RABGAP1L: variants seen among roughly 807,000 people sequenced by gnomAD.
RABGAP1L encodes rab GTPase-activating protein 1-like.
RABGAP1L carries 63 observed loss-of-function variants against 137.7 expected under a neutral mutation model. The observed-to-expected ratio is 0.46, with a 90% CI of 0.37 to 0.56. RABGAP1L has a LOEUF of 0.56. Ranked by LOEUF, RABGAP1L falls within the 20% of genes least tolerant of loss-of-function variation. RABGAP1L has a pLI of 0.00. For synonymous variants in RABGAP1L, 431 were observed against 433.7 expected (o/e 0.99, Z 0.08); for missense variants, 1,095 against 1,244.0 (o/e 0.88, Z 1.80).
At chr1:174,572,673 G>T (rs1572365972) in intron 13 of RABGAP1L, among the ~76,000 whole-genome samples, 2 of 152,184 alleles carry the variant, frequency 1.3e-5, no homozygotes, top group South Asian at 4.2e-4. Flanking sequence ...GAGCCACCCT[G>T]CCCAGCCAAC....
chr1:174,437,545 G>C (rs924146180), intron 13 of RABGAP1L, among the ~76,000 whole-genome samples: 13 of 152,164 alleles, frequency 8.5e-5, no homozygotes, highest in Non-Finnish European at 1.9e-4. Context: ...AATGAACAAA[G>C]CCTCCAAGAA....
At chr1:174,310,360 T>G (rs1051589167) in intron 11 of RABGAP1L, among the ~76,000 whole-genome samples, 1 of 152,208 alleles carries the variant, frequency 6.6e-6, no homozygotes, top group Non-Finnish European at 1.5e-5. Context: ...AGACTTGTTT[T>G]GTGGCCTAAC....
chr1:174,651,856 G>C (rs1284170398), intron 14 of RABGAP1L, among the ~76,000 whole-genome samples: 1 of 152,170 alleles, frequency 6.6e-6, no homozygotes. Flanking sequence ...ATATTGTTAT[G>C]TGTGAATTTG....
intron 13 of RABGAP1L, among the ~76,000 whole-genome samples, chr1:174,622,014 G>T (rs1345212018): frequency 8.3e-6 from 1 of 120,436 alleles, no homozygotes; most frequent in Non-Finnish European, 1.5e-5. Context: ...CAAACAAAAA[G>T]CAAACAACCC....
At chr1:174,711,235 G>T (rs1035322611) in intron 17 of RABGAP1L, among the ~76,000 whole-genome samples, 1 of 152,012 alleles carries the variant, frequency 6.6e-6, no homozygotes, top group Non-Finnish European at 1.5e-5. Context: ...ACACCTCCCT[G>T]CAAGCTGAGG....
At chr1:174,785,076 A>G (rs332762) in intron 18 of RABGAP1L, among the ~76,000 whole-genome samples, 1 of 151,818 alleles carries the variant, frequency 6.6e-6, no homozygotes, top group East Asian at 1.9e-4. Context: ...TTTTGTTTTT[A>G]TTTTTGAGAC....
At chr1:174,258,650 G>T (rs1673318746) in intron 7 of RABGAP1L, among the ~76,000 whole-genome samples, 1 of 152,094 alleles carries the variant, frequency 6.6e-6, no homozygotes, top group African/African-American at 2.4e-5. Flanking sequence ...TAATATAAAA[G>T]CATTGGTGTG....
At position 174,505,513 on chromosome 1, in the gene RABGAP1L, G is replaced by A. The variant is rs549702954; in HGVS notation, c.1710+111368G>A. Among the ~76,000 whole-genome samples, 7 of 149,424 alleles carry A rather than the reference G, an allele frequency of 4.7e-5. No individual in the cohort carries two copies. The South Asian group carries it at 1.5e-3, about 32-fold the overall frequency. ...TGTGTTCTGAATTTTTGCTTGTACTGAAAAATACTTGAAATAAACACAGGA... is the reference window on the plus strand; with the variant it reads ...TGTGTTCTGAATTTTTGCTTGTACTAAAAAATACTTGAAATAAACACAGGA... On this transcript the variant is annotated intron_variant, in intron 13 of 25. Coordinates refer to ENST00000681986, the MANE Select transcript of RABGAP1L (RefSeq NM_001366446.1).
intron 13 of RABGAP1L, among the ~76,000 whole-genome samples, chr1:174,447,422 T>G (rs971577527): frequency 6.6e-6 from 1 of 152,194 alleles, no homozygotes; most frequent in African/African-American, 2.4e-5. Flanking sequence ...AGAGTTGTTT[T>G]TCTTAGATTT....
intron 13 of RABGAP1L, among the ~76,000 whole-genome samples, chr1:174,464,118 T>G (rs1400298409): frequency 6.6e-6 from 1 of 152,182 alleles, no homozygotes; most frequent in Non-Finnish European, 1.5e-5. Context: ...TTAATACAGA[T>G]ACCTTTAGCA....
At chr1:174,527,205 T>G (rs1007162181) in intron 13 of RABGAP1L, among the ~76,000 whole-genome samples, 23 of 48,912 alleles carry the variant, frequency 4.7e-4, no homozygotes, top group Non-Finnish European at 5.9e-4. Context: ...TTTTATTTTG[T>G]TTTTTTTTTT....
At chr1:174,907,107 C>T (rs1659224422) in intron 19 of RABGAP1L, among the ~76,000 whole-genome samples, 1 of 151,850 alleles carries the variant, frequency 6.6e-6, no homozygotes, top group Non-Finnish European at 1.5e-5. Context: ...ATATAAAACC[C>T]ACTTGTAAAA....
chr1:174,686,343 GT>G (rs2148487106), intron 15 of RABGAP1L, among the ~76,000 whole-genome samples: 1 of 152,208 alleles, frequency 6.6e-6, no homozygotes, highest in South Asian at 2.1e-4. Flanking sequence ...GTTTATGACA[GT>G]TTCTGTCTTC....
Position 174,831,819 on chromosome 1 carries a change from A to G in RABGAP1L, c.2340+19859A>G, listed in dbSNP as rs1291887395. On this transcript the variant is annotated intron_variant, in intron 19 of 25. Coordinates refer to ENST00000681986, the MANE Select transcript of RABGAP1L (RefSeq NM_001366446.1). ...TGTATAGTCAGTGAAATATCACAAG[A>G]TCCAAATTCTAGTGACTTAACTTTA... 4.7e-5 allele frequency among the ~76,000 whole-genome samples: 7 copies of G among 148,328 alleles called. 2 individuals carry two copies. Among genetic ancestry groups the G allele is most frequent in the Non-Finnish European group, 9.0e-5 (6 of 66,684 alleles).
chr1:174,628,950 C>T (rs1673118699), intron 13 of RABGAP1L, among the ~76,000 whole-genome samples: 1 of 152,034 alleles, frequency 6.6e-6, no homozygotes, highest in African/African-American at 2.4e-5. Context: ...ATAAGAAAGC[C>T]CTTAGCTCCA....
intron 17 of RABGAP1L, among the ~76,000 whole-genome samples, chr1:174,727,832 TA>T (rs1038653896): frequency 1.3e-5 from 2 of 152,198 alleles, no homozygotes; most frequent in African/African-American, 4.8e-5. Flanking sequence ...TAAATTTTTT[TA>T]AAAAACAAAA....
Position 174,219,153 on chromosome 1 carries a change from C to A in RABGAP1L, c.-5C>A, listed in dbSNP as rs373434556. 3 of 1,588,202 alleles carry A rather than the reference C, an allele frequency of 1.9e-6. No homozygotes were observed. ...GTTGTGGGAAGAGAAGTTTGCAGAA[C>A]TGAAATGGAGGTCAGAGCTTCATTA... On this transcript the variant is annotated 5_prime_UTR_variant, in exon 2 of 26. In the 5' UTR this introduces an upstream ATG that the reference lacks. Coordinates refer to ENST00000681986, the MANE Select transcript of RABGAP1L (RefSeq NM_001366446.1).
At chr1:174,597,596 C>T (rs1670061070) in intron 13 of RABGAP1L, among the ~76,000 whole-genome samples, 2 of 151,694 alleles carry the variant, frequency 1.3e-5, no homozygotes, top group African/African-American at 2.4e-5. Context: ...TGTCTTCTCT[C>T]TTTTTTTCTT....
chr1:174,232,351 G>A (rs1670737194), intron 4 of RABGAP1L, among the ~76,000 whole-genome samples: 1 of 151,844 alleles, frequency 6.6e-6, no homozygotes, highest in African/African-American at 2.4e-5. Context: ...CACGTGTGGT[G>A]GCACACGCCT....
Sources: gnomAD v4.1 joint callset for allele counts (sites outside exome capture counted in the v4.1 genomes callset) on GRCh38, gnomAD v4.1.1 for gene constraint, MANE v1.5 for transcripts, NCBI Gene and HGNC (gene_info 2026-07-23, HGNC 2026-07-21) for gene names.